Variants in DNAJC7 observed in about 807,000 individuals in gnomAD.
DNAJC7 encodes DnaJ heat shock protein family (Hsp40) member C7, also known as dnaJ homolog subfamily C member 7.
Under a neutral mutation model 67.4 loss-of-function variants are expected in DNAJC7, and 18 were observed. The ratio of observed to expected loss-of-function variants is 0.27; its 90% CI spans 0.18 to 0.40. The LOEUF (loss-of-function observed/expected upper bound fraction) is 0.40. Ranked by LOEUF, DNAJC7 falls within the 10% of genes least tolerant of loss-of-function variation. The pLI, the probability that DNAJC7 is intolerant of heterozygous loss-of-function variation, is 1.00. For synonymous variants in DNAJC7, 220 were observed against 207.8 expected (o/e 1.06, Z -0.50); for missense variants, 419 against 613.8 (o/e 0.68, Z 3.35).
chr17:42,017,300 G>A (rs2052330957), intron 1 of DNAJC7, 40 bp downstream of exon 1: 3 of 1,609,544 alleles, frequency 1.9e-6, no homozygotes, highest in Non-Finnish European at 2.5e-6. Context: ...GAGCCACGGA[G>A]CTGCAGGTCG....
chr17:41,993,989 G>A (rs2051583536), intron 5 of DNAJC7, among the ~76,000 whole-genome samples: 1 of 150,444 alleles, frequency 6.6e-6, no homozygotes, highest in Non-Finnish European at 1.5e-5. Flanking sequence ...GTTGCAGTGA[G>A]CCGAGATCAC....
At chr17:41,977,522 G>T (rs1257024129) in intron 12 of DNAJC7, 199 bp from the exon 13 acceptor site, 2 of 485,168 alleles carry the variant, frequency 4.1e-6, no homozygotes, top group Non-Finnish European at 7.4e-6. Context: ...CCCACTCCTA[G>T]GACATGTTCC....
intron 9 of DNAJC7, 80 bp downstream of exon 9, chr17:41,987,739 G>C: frequency 2.4e-6 from 3 of 1,225,098 alleles, no homozygotes; most frequent in East Asian, 5.0e-5. Context: ...ACATCTCTGG[G>C]TCTGCTTCGT....
At chr17:42,012,888 C>T (rs1157768557) in intron 1 of DNAJC7, 2 of 152,234 alleles carry the variant, frequency 1.3e-5, no homozygotes, top group South Asian at 2.1e-4. Flanking sequence ...CTCGACCTCC[C>T]CCAGCTCAGG....
At chr17:41,988,656 A>T in intron 8 of DNAJC7, 76 bp downstream of exon 8, 1 of 1,470,138 alleles carries the variant, frequency 6.8e-7, no homozygotes, top group Non-Finnish European at 9.0e-7. Flanking sequence ...TACCCTCACT[A>T]GGCAGATTTC....
At chr17:42,004,126 T>C (rs1239287915) in intron 1 of DNAJC7, among the ~76,000 whole-genome samples, 2 of 152,074 alleles carry the variant, frequency 1.3e-5, no homozygotes, top group Non-Finnish European at 2.9e-5. Context: ...AGCTATTTTT[T>C]GTATTTTTAG....
rs782354907 is a variant in DNAJC7, at chr17:41,982,366, G to A, written c.1120C>T (p.Leu374=). The A allele has an allele frequency of 4.3e-6, 7 of 1,613,836 alleles. No individual in the cohort carries two copies. In the African/African-American group the frequency reaches 9.3e-5, roughly 22 times the overall value. The change falls in exon 11 of 14, where the codon CTG becomes TTG. Residue 374 remains leucine, a synonymous_variant. Transcript: ENST00000457167. The part of the protein sequence containing the change: ...KQLLKNAQLE[L]KKSKRKDYYK... ...TAATCTTTCCTCTTACTCTTCTTCA[G>A]TTCCAGCTGCGCATTTTTTAGGAGC...
chr17:41,999,054 AAAG>A (rs782353960), intron 2 of DNAJC7, among the ~76,000 whole-genome samples: 44 of 152,032 alleles, frequency 2.9e-4, no homozygotes, highest in Non-Finnish European at 5.7e-4. Context: ...AAAAAAAAGA[AAAG>A]AAAAAGAAAA....
At chr17:41,989,284 C>T in intron 7 of DNAJC7, 120 bp downstream of exon 7, 1 of 1,366,942 alleles carries the variant, frequency 7.3e-7, no homozygotes, top group Middle Eastern at 2.7e-4. Context: ...ACCAAGCATC[C>T]TTGCAAAGCA....
rs1555647347 is a variant in DNAJC7 at position 41,989,392 on chromosome 17, A to G, written c.753+12T>C. 4 of 1,613,580 alleles carry G rather than the reference A, an allele frequency of 2.5e-6. No homozygotes were observed. Among genetic ancestry groups the G allele is most frequent in the Non-Finnish European group, 3.4e-6 (4 of 1,179,764 alleles). ...AGCTCTTTCCCAGTTAGGTCTGGTG[A>G]CTAGAACTTACTCTGCAGGCAATGC... On this transcript the variant is annotated intron_variant, in intron 7 of 13. Coordinates refer to ENST00000457167, the MANE Select transcript of DNAJC7 (RefSeq NM_003315.4).
chr17:42,013,726 T>C (rs946823352), intron 1 of DNAJC7: 2 of 152,226 alleles, frequency 1.3e-5, no homozygotes, highest in Non-Finnish European at 2.9e-5. Flanking sequence ...AGCTTCTAAA[T>C]CTCCATCCCA....
In DNAJC7 at chr17:41,992,819, C is replaced by T. The variant is rs1390020468; in HGVS notation, c.480+2051G>A. 3.3e-5 allele frequency: 5 copies of T among 152,188 alleles called. No homozygotes were observed. The East Asian group carries it at 9.7e-4, about 29-fold the overall frequency. The allele number at this position is 152,188 out of a possible 1,614,324, so 9.4% of individuals were successfully genotyped here. A position where few individuals can be genotyped will look rare whatever the true frequency, so the allele number is the denominator to read the frequency against. ...ATCACCGTGAGCTACAGTGGGGGGG[C>T]TGGGATGTCACAAACAGAGGATTCT... On this transcript the variant is annotated intron_variant, in intron 5 of 13. Transcript: ENST00000457167.
chr17:42,007,522 G>T (rs1006782133), intron 1 of DNAJC7, among the ~76,000 whole-genome samples: 1 of 151,942 alleles, frequency 6.6e-6, no homozygotes, highest in Non-Finnish European at 1.5e-5. Context: ...TCTTCTTTAA[G>T]AAAAAAATTT....
At chr17:42,004,120 A>AT (rs1286491231) in intron 1 of DNAJC7, among the ~76,000 whole-genome samples, 1 of 151,730 alleles carries the variant, frequency 6.6e-6, no homozygotes, top group Non-Finnish European at 1.5e-5. Context: ...ATGCCCAGCT[A>AT]TTTTTTGTAT....
intron 7 of DNAJC7, 65 bp from the exon 8 acceptor site, chr17:41,988,961 G>A: frequency 6.4e-7 from 1 of 1,556,958 alleles, no homozygotes; most frequent in Non-Finnish European, 8.7e-7. Context: ...TGCACAGAGA[G>A]GCCAGACTCT....
At chr17:42,006,019 C>T (rs974938426) in intron 1 of DNAJC7, among the ~76,000 whole-genome samples, 3 of 152,018 alleles carry the variant, frequency 2.0e-5, no homozygotes, top group Non-Finnish European at 4.4e-5. Flanking sequence ...TCTCAGCTCA[C>T]TGCAAGCTCT....
intron 1 of DNAJC7, among the ~76,000 whole-genome samples, chr17:42,006,021 G>C (rs2051942949): frequency 6.6e-6 from 1 of 152,056 alleles, no homozygotes; most frequent in South Asian, 2.1e-4. Flanking sequence ...TCAGCTCACT[G>C]CAAGCTCTGC....
intron 1 of DNAJC7, chr17:42,015,466 C>T (rs781883192): frequency 2.0e-5 from 3 of 152,016 alleles, no homozygotes; most frequent in African/African-American, 4.8e-5. Context: ...AATGTATTTG[C>T]TTAAGATAGG....
chr17:41,999,999 A>T (rs2051764839), intron 2 of DNAJC7, among the ~76,000 whole-genome samples: 1 of 138,324 alleles, frequency 7.2e-6, no homozygotes. Context: ...TTGTATTTTT[A>T]GTAGAGACAG....
Sources: allele counts gnomAD v4.1 joint callset (sites outside exome capture counted in the v4.1 genomes callset), GRCh38; gene constraint gnomAD v4.1.1; transcripts MANE v1.5; gene names NCBI Gene and HGNC (gene_info 2026-07-23, HGNC 2026-07-21).